MYH7B: variants seen among roughly 807,000 people sequenced by gnomAD.
The protein encoded by MYH7B is myosin heavy chain 7B.
A neutral mutation model predicts 234.5 loss-of-function variants in MYH7B; 205 were observed. The observed-to-expected ratio is 0.87, with a 90% CI of 0.78 to 0.98. The LOEUF is 0.98. MYH7B is among the 50% of genes least tolerant of loss of function. MYH7B has a pLI of 0.00. For missense variants in MYH7B, 2,652 were observed against 2,633.4 expected (o/e 1.01, Z -0.15); for synonymous variants, 1,193 against 1,105.0 (o/e 1.08, Z -1.58).
chr20:34,986,932 C>T (rs1473758632), exon 15 of MYH7B: 1 of 1,614,114 alleles, frequency 6.2e-7, no homozygotes, highest in Non-Finnish European at 8.5e-7. Context: ...ACTTCTGCAG[C>T]CAGGGCGTCA....
chr20:34,960,928 C>A (rs2147148314), intron 2 of MYH7B, among the ~76,000 whole-genome samples: 1 of 152,308 alleles, frequency 6.6e-6, no homozygotes, highest in Admixed American at 6.5e-5. Context: ...CGAGAAGAAA[C>A]AGACTAATTG....
At chr20:34,969,496 G>T (rs1439446280) in intron 2 of MYH7B, among the ~76,000 whole-genome samples, 1 of 149,714 alleles carries the variant, frequency 6.7e-6, no homozygotes, top group East Asian at 2.0e-4. Context: ...TCTCTCCCCC[G>T]ATTTTTACGC....
intron 2 of MYH7B, among the ~76,000 whole-genome samples, chr20:34,962,810 C>T (rs908170833): frequency 2.0e-5 from 3 of 152,034 alleles, no homozygotes; most frequent in African/African-American, 4.8e-5. Flanking sequence ...TACTTTAAGT[C>T]ATCTCGGCCG....
Position 34,996,724 on chromosome 20 carries a change from C to A in MYH7B, c.3232C>A (p.Gln1078Lys), listed in dbSNP as rs1210764139. 3 of 1,613,150 alleles carry A rather than the reference C, an allele frequency of 1.9e-6. No individual in the cohort carries two copies. In the South Asian group the frequency reaches 3.3e-5, roughly 18 times the overall value. ...GCAGGAGTCGGTGGCTGATGCTGCT[C>A]AAGACAAGCAGCAGCTGGAGGAGAA... The change falls in exon 30 of 45, where the codon CAA becomes AAA. Residue 1078 changes from glutamine to lysine, a missense_variant. Around this residue, in one of 3 missense-constraint regions of MYH7B, gnomAD observed 2,279 missense variants for 2,211.4 expected, o/e 1.03. Coordinates refer to ENST00000262873, the Ensembl canonical transcript of MYH7B.
intron 2 of MYH7B, among the ~76,000 whole-genome samples, chr20:34,970,453 G>A (rs1048229704): frequency 5.3e-5 from 8 of 152,242 alleles, no homozygotes; most frequent in Non-Finnish European, 7.3e-5. Context: ...CAGAGTTACA[G>A]ATGGGAACAT....
chr20:34,987,113 G>C lies in MYH7B; in HGVS notation c.1009-36G>C, dbSNP rs201295215. 8.1e-6 allele frequency: 13 copies of C among 1,612,184 alleles called. No homozygotes were observed. In the Admixed American group the frequency reaches 8.3e-5, roughly 10 times the overall value. On this transcript the variant is annotated intron_variant, in intron 15 of 44. Coordinates refer to ENST00000262873, the Ensembl canonical transcript of MYH7B. ...CCTGGCTGGACCCTGGAGGAGCCCA[G>C]ACCTCTCTGAACTCGCTTTCCCTGC... is the stretch of plus-strand genomic sequence containing the variant.
chr20:34,990,757 T>C (rs770503764), exon 23 of MYH7B: 2 of 1,614,054 alleles, frequency 1.2e-6, no homozygotes, highest in African/African-American at 2.7e-5. Context: ...AACAAGCTGA[T>C]GACCAACCTG....
At position 35,001,308 on chromosome 20, in the gene MYH7B, G is replaced by A. The variant is rs200404804; in HGVS notation, c.5539G>A (p.Val1847Met). The change falls in exon 42 of 45, where the codon GTG becomes ATG. Residue 1847 changes from valine (V) to methionine (M), a missense_variant. Transcript: ENST00000262873. ...GAAGCACGCCGAGGCCCTTAAGGGC[G>A]TGCGCAAGCATGAGCGCCGTGTCAA... 8.3e-5 allele frequency: 134 copies of A among 1,612,564 alleles called. No homozygotes were observed. The highest frequency in any genetic ancestry group is 4.4e-4 in the African/African-American group (33 of 75,052).
intron 2 of MYH7B, among the ~76,000 whole-genome samples, chr20:34,970,130 C>T (rs548346602): frequency 1.3e-5 from 2 of 152,306 alleles, no homozygotes; most frequent in African/African-American, 4.8e-5. Context: ...TGCTGCCTCC[C>T]AAGCTTGAGA....
At position 34,999,750 on chromosome 20, in the gene MYH7B, T is replaced by TTGG; in HGVS notation, c.4666-41_4666-40insTGG. On this transcript the variant is annotated intron_variant, in intron 37 of 44. Transcript: ENST00000262873. ...CACTGACCTGCTGCTCCACTGGCCA[T>TTGG]CCCCCCCCCCCACCCTACCCTGCCT... 2.3e-6 allele frequency: 3 copies of TTGG among 1,320,494 alleles called. No individual in the cohort carries two copies. The South Asian group carries it at 4.2e-5, about 18-fold the overall frequency. 81.8% of individuals were successfully genotyped at this position (1,320,494 alleles called of 1,614,324 possible).
exon 6 of MYH7B, chr20:34,979,452 G>A: frequency 6.2e-7 from 1 of 1,614,006 alleles, no homozygotes; most frequent in East Asian, 2.2e-5. Context: ...GGTCAAGTCG[G>A]AGGCTACCGG....
At chr20:35,002,220 G>A (rs897302946) in exon 45 of MYH7B, 3 of 1,506,338 alleles carry the variant, frequency 2.0e-6, no homozygotes, top group African/African-American at 2.8e-5. Context: ...AAAGAGGAAT[G>A]TCTGCTGTTG....
At chr20:34,987,089 C>T in intron 15 of MYH7B, 60 bp from the exon 16 acceptor site, 1 of 1,610,584 alleles carries the variant, frequency 6.2e-7, no homozygotes, top group Non-Finnish European at 8.5e-7. Flanking sequence ...GGGGCAGTGC[C>T]TGGCTGGACC....
intron 2 of MYH7B, among the ~76,000 whole-genome samples, chr20:34,967,002 G>A (rs1468304832): frequency 6.6e-6 from 1 of 151,808 alleles, no homozygotes; most frequent in Non-Finnish European, 1.5e-5. Context: ...AGGCCGAGGC[G>A]GGTGGATCAC....
chr20:34,959,976 C>T (rs548701101), intron 2 of MYH7B, among the ~76,000 whole-genome samples: 1 of 152,262 alleles, frequency 6.6e-6, no homozygotes, highest in South Asian at 2.1e-4. Flanking sequence ...CCTGACTTGC[C>T]AAAGATCACA....
intron 38 of MYH7B, among the ~76,000 whole-genome samples, 167 bp from the exon 39 acceptor site, chr20:35,000,126 G>A (rs1370544322): frequency 6.6e-6 from 1 of 152,176 alleles, no homozygotes; most frequent in Admixed American, 6.5e-5. Context: ...CCTCACTCTT[G>A]TCCATGAACT....
chr20:35,001,049 T>A (rs957839462), exon 41 of MYH7B: 4 of 1,613,778 alleles, frequency 2.5e-6, no homozygotes, highest in Middle Eastern at 1.7e-4. Flanking sequence ...CTGGAACGGA[T>A]GAAGAAGACG....
At chr20:34,980,876 G>T (rs1482138013) in intron 8 of MYH7B, 142 bp downstream of exon 8, 2 of 1,481,748 alleles carry the variant, frequency 1.3e-6, no homozygotes, top group South Asian at 1.2e-5. Flanking sequence ...CTGTCCCTCC[G>T]CATGGGAGCT....
intron 22 of MYH7B, 24 bp from the exon 23 acceptor site, chr20:34,990,714 T>C: frequency 6.2e-7 from 1 of 1,612,434 alleles, no homozygotes; most frequent in Admixed American, 1.7e-5. Flanking sequence ...TTTGTGCCTT[T>C]CCCTCACTCT....
Sources: gnomAD v4.1 joint callset for allele counts (sites outside exome capture counted in the v4.1 genomes callset) on GRCh38, gnomAD v4.1.1 for gene constraint, gnomAD v4.1.1 regional missense constraint, MANE v1.5 for transcripts, NCBI Gene and HGNC (gene_info 2026-07-23, HGNC 2026-07-21) for gene names.